The following HYDIN variants were observed in gnomAD, a reference collection of about 807,000 sequenced individuals.
HYDIN encodes the protein axonemal central pair apparatus protein HYDIN.
A neutral mutation model predicts 403.9 loss-of-function variants in HYDIN; 132 were observed. The observed-to-expected ratio is 0.33, with a 90% CI of 0.28 to 0.38. The LOEUF is 0.38. HYDIN is among the 10% of genes least tolerant of loss of function. HYDIN has a pLI of 1.00. For missense variants in HYDIN, 2,827 were observed against 5,009.5 expected (o/e 0.56, Z 13.15); for synonymous variants, 1,202 against 1,891.7 (o/e 0.64, Z 9.46).
chr16:70,918,030 TG>T (rs1367304140), intron 47 of HYDIN, among the ~76,000 whole-genome samples, 180 bp downstream of exon 47: 22 of 150,122 alleles, frequency 1.5e-4, no homozygotes, highest in Non-Finnish European at 1.9e-4. Context: ...CCAGGGAAGG[TG>T]CAGTTCAGGG....
intron 1 of HYDIN, among the ~76,000 whole-genome samples, chr16:71,224,431 T>C (rs1312553601): frequency 6.6e-6 from 1 of 152,174 alleles, no homozygotes; most frequent in African/African-American, 2.4e-5. Context: ...ACCTCAAAAA[T>C]GATTGAAATA....
At chr16:71,125,250 C>G (rs4788768) in intron 9 of HYDIN, among the ~76,000 whole-genome samples, 50,136 of 151,696 alleles carry the variant, frequency 0.33, 8,793 homozygotes, top group East Asian at 0.57. Flanking sequence ...ATCTCCACAG[C>G]ACACTCACAA....
In HYDIN at chr16:70,838,482, G is replaced by T. The variant is rs527255769; in HGVS notation, c.13044-594C>A. 5.9e-5 allele frequency among the ~76,000 whole-genome samples: 9 copies of T among 152,218 alleles called. No individual in the cohort carries two copies. The South Asian group carries it at 1.9e-3, about 32-fold the overall frequency. ...CTGGGATTACAGGCCACCGCGCCCA[G>T]CCTGATTCTCGATTTCTTGATAATG... is the stretch of plus-strand genomic sequence containing the variant. On this transcript the variant is annotated intron_variant, in intron 76 of 85. Transcript: ENST00000393567.
At chr16:71,065,019 C>T (rs1456643583) in intron 15 of HYDIN, among the ~76,000 whole-genome samples, 179 bp from the exon 16 acceptor site, 1 of 152,234 alleles carries the variant, frequency 6.6e-6, no homozygotes, top group African/African-American at 2.4e-5. Flanking sequence ...CCCCCAGTCA[C>T]CACTTTTTAA....
chr16:71,069,972 C>G (rs1225857352), intron 13 of HYDIN, among the ~76,000 whole-genome samples: 2 of 152,172 alleles, frequency 1.3e-5, no homozygotes, highest in African/African-American at 2.4e-5. Flanking sequence ...CCTGGGTGAC[C>G]CAGAGCTTGC....
chr16:71,019,977 G>T (rs1405414993), intron 22 of HYDIN, among the ~76,000 whole-genome samples, 197 bp downstream of exon 22: 5 of 152,076 alleles, frequency 3.3e-5, no homozygotes, highest in African/African-American at 1.2e-4. Flanking sequence ...GTGAGACCTT[G>T]GGCAAAATAC....
intron 38 of HYDIN, among the ~76,000 whole-genome samples, chr16:70,961,407 A>G (rs1361080977): frequency 2.6e-5 from 4 of 152,104 alleles, no homozygotes; most frequent in African/African-American, 7.2e-5. Context: ...CATGATTCCT[A>G]TTCTGGGGGT....
intron 1 of HYDIN, among the ~76,000 whole-genome samples, chr16:71,196,535 G>T (rs942099882): frequency 6.6e-6 from 1 of 152,128 alleles, no homozygotes; most frequent in African/African-American, 2.4e-5. Flanking sequence ...AGCTTTCCTG[G>T]ATCTTCACCT....
At chr16:70,851,203 CAAAAAAAAAAA>C (rs4028101) in intron 73 of HYDIN, among the ~76,000 whole-genome samples, 34 of 22,180 alleles carry the variant, frequency 1.5e-3, no homozygotes, top group African/African-American at 8.6e-3. Context: ...ATCAATCCTG[CAAAAAAAAAAA>C]AAAAAAAAAA....
chr16:71,090,681 T>TC (rs960725094), intron 11 of HYDIN, among the ~76,000 whole-genome samples: 7 of 151,368 alleles, frequency 4.6e-5, no homozygotes, highest in African/African-American at 1.7e-4. Context: ...TGTGGGTTTT[T>TC]TTTTGTAGAG....
At chr16:70,808,846 C>G (rs556580018) in intron 85 of HYDIN, among the ~76,000 whole-genome samples, 1 of 152,304 alleles carries the variant, frequency 6.6e-6, no homozygotes, top group African/African-American at 2.4e-5. Flanking sequence ...ATATATACAA[C>G]TGTCCCCTCT....
rs1597674891 is a variant in HYDIN at position 71,060,661 on chromosome 16, G to A, written c.2377-5C>T. 3.3e-6 allele frequency: 2 copies of A among 605,428 alleles called. No individual in the cohort carries two copies. Among genetic ancestry groups the A allele is most frequent in the East Asian group, 5.6e-5 (2 of 35,984 alleles). 37.5% of individuals were successfully genotyped at this position (605,428 alleles called of 1,614,324 possible). A position where few individuals can be genotyped will look rare whatever the true frequency, so the allele number is the denominator to read the frequency against. ...AGCGCTCTTTAAGTGACATACCTGA[G>A]TTCCGCCAGAGAGAAAGAACACAGG... On this transcript the variant is annotated splice_region_variant and splice_polypyrimidine_tract_variant and intron_variant, in intron 17 of 85. Transcript: ENST00000393567.
At chr16:70,947,453 T>A (rs2077909376) in intron 41 of HYDIN, among the ~76,000 whole-genome samples, 1 of 151,946 alleles carries the variant, frequency 6.6e-6, no homozygotes, top group South Asian at 2.1e-4. Flanking sequence ...AGTATTTTAT[T>A]GAGGATTTTT....
chr16:70,926,967 T>C (rs368655152), intron 45 of HYDIN, among the ~76,000 whole-genome samples: 6 of 151,938 alleles, frequency 3.9e-5, no homozygotes, highest in East Asian at 1.9e-4. Flanking sequence ...ATGTAGAACA[T>C]AGAAAAAGCA....
At chr16:71,217,188 T>C (rs988346773) in intron 1 of HYDIN, among the ~76,000 whole-genome samples, 6 of 152,210 alleles carry the variant, frequency 3.9e-5, no homozygotes, top group African/African-American at 9.7e-5. Context: ...GTCCATCCAA[T>C]AGATCATAAG....
At position 70,843,119 on chromosome 16, in the gene HYDIN, G is replaced by T. The variant is rs1756182576; in HGVS notation, c.12874-2886C>A. On this transcript the variant is annotated intron_variant, in intron 75 of 85. Coordinates refer to ENST00000393567, the MANE Select transcript of HYDIN (RefSeq NM_001270974.2). ...AGGTTAGTTACATATGTATACATGT[G>T]CCATGCTGGTGCGCTGCACCCACTA... 2.0e-5 allele frequency among the ~76,000 whole-genome samples: 3 copies of T among 148,298 alleles called. No individual in the cohort carries two copies. In the South Asian group the frequency reaches 6.3e-4, roughly 31 times the overall value.
intron 1 of HYDIN, among the ~76,000 whole-genome samples, chr16:71,225,067 T>A (rs1164728650): frequency 3.3e-5 from 5 of 152,172 alleles, no homozygotes; most frequent in African/African-American, 9.6e-5. Context: ...TTGTAAAATC[T>A]GGCAAGACGA....
rs972832848 is a variant in HYDIN, at chr16:70,803,104, T to C, written c.*4476A>G. Among the ~76,000 whole-genome samples, 3 of 152,244 alleles carry C rather than the reference T, an allele frequency of 2.0e-5. No individual in the cohort carries two copies. Among genetic ancestry groups the C allele is most frequent in the Admixed American group, 6.5e-5 (1 of 15,278 alleles). On this transcript the variant is annotated 3_prime_UTR_variant, in exon 86 of 86. Transcript: ENST00000393567. The stretch of plus-strand genomic sequence containing the variant: ...TTTTGGTTTGGCTTTTTCTTAGAGG[T>C]GAACTGAATTTCCCAAGGGTAATGA...
Position 70,874,821 on chromosome 16 carries a change from T to C in HYDIN, c.10656A>G (p.Val3552=), listed in dbSNP as rs1333859825. The C allele has an allele frequency of 5.6e-6, 9 of 1,613,618 alleles. No homozygotes were observed. Among genetic ancestry groups the C allele is most frequent in the Non-Finnish European group, 7.6e-6 (9 of 1,179,800 alleles). The change falls in exon 63 of 86, where the codon GTA becomes GTG. Residue 3552 remains valine, a synonymous_variant. Coordinates refer to ENST00000393567, the MANE Select transcript of HYDIN (RefSeq NM_001270974.2). ...IYITEENKPH[V]KAKKAHTASL... ...AAGCACCCTCCCCACACTTACCTTT[T>C]ACATGTGGTTTATTTTCCTCTGTGA...
Sources: gnomAD v4.1 joint callset for allele counts (sites outside exome capture counted in the v4.1 genomes callset) on GRCh38, gnomAD v4.1.1 for gene constraint, MANE v1.5 for transcripts, NCBI Gene and HGNC (gene_info 2026-07-23, HGNC 2026-07-21) for gene names.